Variants in MSRA observed in about 807,000 individuals in gnomAD.
MSRA encodes methionine sulfoxide reductase A.
A neutral mutation model predicts 31.3 loss-of-function variants in MSRA; 54 were observed. The observed-to-expected ratio is 1.73, with a 90% CI of 1.39 to 2.17. The LOEUF (loss-of-function observed/expected upper bound fraction) is 2.17. Among genes scored for constraint, MSRA ranks in the 30% most tolerant of loss-of-function variants. The pLI, the probability that MSRA is intolerant of heterozygous loss-of-function variation, is 0.00. For synonymous variants in MSRA, 169 were observed against 116.5 expected (o/e 1.45, Z -2.90); for missense variants, 507 against 300.9 (o/e 1.69, Z -5.07).
intron 5 of MSRA, among the ~76,000 whole-genome samples, chr8:10,424,877 C>G (rs544275620): frequency 2.6e-5 from 4 of 152,344 alleles, no homozygotes; most frequent in East Asian, 3.9e-4. Context: ...AATGCTGTCA[C>G]TTGTGCCGCA....
intron 1 of MSRA, among the ~76,000 whole-genome samples, chr8:10,066,664 G>C (rs1797468813): frequency 1.3e-5 from 2 of 152,260 alleles, no homozygotes; most frequent in South Asian, 2.1e-4. Flanking sequence ...CTTCCGAGTA[G>C]ATGGGATTAC....
At chr8:10,396,954 G>A (rs1055717653) in intron 5 of MSRA, among the ~76,000 whole-genome samples, 1 of 152,166 alleles carries the variant, frequency 6.6e-6, no homozygotes, top group Non-Finnish European at 1.5e-5. Context: ...CTTCCAAACC[G>A]TGAACATTCA....
At chr8:10,057,743 C>T (rs1021481986) in intron 1 of MSRA, among the ~76,000 whole-genome samples, 5 of 152,132 alleles carry the variant, frequency 3.3e-5, no homozygotes, top group African/African-American at 9.7e-5. Flanking sequence ...TCTCCTGCTC[C>T]TTTGTGTGGA....
At chr8:10,358,531 C>T (rs559256751) in intron 5 of MSRA, among the ~76,000 whole-genome samples, 1 of 148,230 alleles carries the variant, frequency 6.7e-6, no homozygotes, top group Non-Finnish European at 1.5e-5. Flanking sequence ...CACCTCAGCT[C>T]CGCCTCCTGT....
intron 1 of MSRA, among the ~76,000 whole-genome samples, chr8:10,146,962 G>A (rs1163607935): frequency 3.3e-5 from 5 of 152,238 alleles, no homozygotes; most frequent in Admixed American, 2.0e-4. Context: ...GCTACTCACA[G>A]ACCTGTGGTA....
At chr8:10,152,908 A>G (rs1205079070) in intron 1 of MSRA, among the ~76,000 whole-genome samples, 1 of 152,196 alleles carries the variant, frequency 6.6e-6, no homozygotes, top group African/African-American at 2.4e-5. Flanking sequence ...CCAGCCACAA[A>G]CAGACACATA....
In MSRA at chr8:10,076,008, C is replaced by T. The variant is rs1797979030; in HGVS notation, c.142+21350C>T. On this transcript the variant is annotated intron_variant, in intron 1 of 5. Coordinates refer to ENST00000317173, the MANE Select transcript of MSRA (RefSeq NM_012331.5). Reference sequence around the variant, plus strand: ...ATAGGCACATTCAGAAATGTGTTCTCTAGTGAAGGGCATGTTGGCTTGGTG... The same window carrying T: ...ATAGGCACATTCAGAAATGTGTTCTTTAGTGAAGGGCATGTTGGCTTGGTG... 1.3e-5 allele frequency among the ~76,000 whole-genome samples: 2 copies of T among 152,214 alleles called. 1 individual carries two copies. The highest frequency in any genetic ancestry group is 4.1e-4 in the South Asian group (2 of 4,832).
At chr8:10,131,207 A>C (rs183959150) in intron 1 of MSRA, among the ~76,000 whole-genome samples, 1 of 152,208 alleles carries the variant, frequency 6.6e-6, no homozygotes, top group Admixed American at 6.5e-5. Context: ...TTGCCCTCCA[A>C]TGTAGGAGAA....
intron 3 of MSRA, among the ~76,000 whole-genome samples, chr8:10,287,276 C>T (rs1332343522): frequency 6.6e-6 from 1 of 152,162 alleles, no homozygotes; most frequent in South Asian, 2.1e-4. Flanking sequence ...CTACTGGGCC[C>T]TGAATGACCT....
intron 3 of MSRA, among the ~76,000 whole-genome samples, chr8:10,253,107 G>A (rs532364412): frequency 1.1e-4 from 17 of 152,304 alleles, no homozygotes; most frequent in Middle Eastern, 6.8e-3. Context: ...CTGAAGGCTG[G>A]CAAGCAGCAA....
At chr8:10,363,262 C>G (rs1377830802) in intron 5 of MSRA, among the ~76,000 whole-genome samples, 1 of 152,190 alleles carries the variant, frequency 6.6e-6, no homozygotes, top group Non-Finnish European at 1.5e-5. Flanking sequence ...AGTTCTTTGG[C>G]AACTGGCCAG....
At chr8:10,055,477 T>A (rs903735206) in intron 1 of MSRA, among the ~76,000 whole-genome samples, 4 of 152,216 alleles carry the variant, frequency 2.6e-5, no homozygotes, top group African/African-American at 4.8e-5. Flanking sequence ...GCAGCGCTTC[T>A]CAGAGTGCCC....
At chr8:10,180,139 TTC>T (rs1375608210) in intron 1 of MSRA, among the ~76,000 whole-genome samples, 1 of 152,218 alleles carries the variant, frequency 6.6e-6, no homozygotes, top group Non-Finnish European at 1.5e-5. Flanking sequence ...TCACCTGCAC[TTC>T]TCTCTGACTT....
At chr8:10,119,511 C>T (rs1044657641) in intron 1 of MSRA, among the ~76,000 whole-genome samples, 29 of 152,140 alleles carry the variant, frequency 1.9e-4, no homozygotes, top group Admixed American at 1.4e-3. Context: ...GCAACCAGGG[C>T]GCAAGGTATT....
At chr8:10,332,739 T>C (rs1300743705) in intron 5 of MSRA, among the ~76,000 whole-genome samples, 3 of 152,228 alleles carry the variant, frequency 2.0e-5, no homozygotes, top group African/African-American at 7.2e-5. Flanking sequence ...CAGATTGCCC[T>C]TTCTTGCACT....
intron 5 of MSRA, among the ~76,000 whole-genome samples, chr8:10,343,456 G>C (rs1585532669): frequency 6.6e-6 from 1 of 152,212 alleles, no homozygotes; most frequent in Non-Finnish European, 1.5e-5. Flanking sequence ...ATGGTGATTA[G>C]AATTTGTTTC....
intron 4 of MSRA, among the ~76,000 whole-genome samples, chr8:10,313,618 A>C (rs1048990195): frequency 1.3e-5 from 2 of 152,232 alleles, no homozygotes; most frequent in African/African-American, 2.4e-5. Flanking sequence ...GTGCAAATCC[A>C]AATGAGATCC....
intron 1 of MSRA, among the ~76,000 whole-genome samples, chr8:10,197,021 A>C (rs527498091): frequency 6.6e-6 from 1 of 152,268 alleles, no homozygotes; most frequent in African/African-American, 2.4e-5. Flanking sequence ...CTTTTGGTCT[A>C]TAGCCATGTG....
intron 1 of MSRA, among the ~76,000 whole-genome samples, chr8:10,145,732 T>C (rs1181854810): frequency 6.6e-6 from 1 of 152,228 alleles, no homozygotes; most frequent in African/African-American, 2.4e-5. Context: ...TTAATAATTA[T>C]ACATGGCTTA....
Sources: gnomAD v4.1 joint callset for allele counts (sites outside exome capture counted in the v4.1 genomes callset) on GRCh38, gnomAD v4.1.1 for gene constraint, MANE v1.5 for transcripts, NCBI Gene and HGNC (gene_info 2026-07-23, HGNC 2026-07-21) for gene names.